The following POU2F1 variants were observed in gnomAD, a reference collection of about 807,000 sequenced individuals.
POU2F1 encodes POU class 2 homeobox 1.
In POU2F1, 16 loss-of-function variants were observed where a neutral mutation model predicts 84.9. That is an observed-to-expected ratio of 0.19 (90% CI 0.13 to 0.29). The LOEUF (loss-of-function observed/expected upper bound fraction) is 0.29, where lower values mean the gene tolerates loss of function less well. Among genes scored for constraint, POU2F1 ranks in the 10% least tolerant of loss-of-function variants. The pLI is 1.00. For missense variants in POU2F1, 738 were observed against 942.6 expected, an observed-to-expected ratio of 0.78 and a Z score of 2.84; for synonymous variants, 368 against 368.3, an observed-to-expected ratio of 1.00 and a Z score of 0.01.
At chr1:167,230,236 TCA>T (rs1648960420) in intron 1 of POU2F1, among the ~76,000 whole-genome samples, 2 of 152,142 alleles carry the variant, frequency 1.3e-5, no homozygotes, top group East Asian at 3.9e-4. Context: ...GAACCTTTAC[TCA>T]CACTTTTTCC....
intron 1 of POU2F1, among the ~76,000 whole-genome samples, chr1:167,270,327 G>A (rs572862972): frequency 1.1e-4 from 17 of 152,070 alleles, no homozygotes; most frequent in African/African-American, 4.1e-4. Flanking sequence ...GAAATGTTTT[G>A]ACTCTTTATG....
rs1341601799 is a variant in POU2F1, at chr1:167,423,093, A to G, written c.*7283A>G. 6.6e-6 allele frequency: 1 copy of G among 152,236 alleles called. No individual in the cohort carries two copies. The highest frequency in any genetic ancestry group is 1.5e-5 in the Non-Finnish European group (1 of 68,042). The allele number at this position is 152,236 out of a possible 1,614,324, so 9.4% of individuals were successfully genotyped here. A position where few individuals can be genotyped will look rare whatever the true frequency, so the allele number is the denominator to read the frequency against. ...CTTTTAAATAGAACCAACACAGCCTATATGAGTTCAGACAATATTTAGATG... is the reference window on the plus strand; with the variant it reads ...CTTTTAAATAGAACCAACACAGCCTGTATGAGTTCAGACAATATTTAGATG... On this transcript the variant is annotated 3_prime_UTR_variant, in exon 16 of 16. Coordinates refer to ENST00000367866, the MANE Select transcript of POU2F1 (RefSeq NM_002697.4).
intron 13 of POU2F1, among the ~76,000 whole-genome samples, chr1:167,411,480 C>A (rs1370969834): frequency 1.3e-5 from 2 of 151,952 alleles, no homozygotes; most frequent in East Asian, 3.8e-4. Flanking sequence ...GTAGAGAAGG[C>A]ATGTAGTCAT....
rs1362089184 is a variant in POU2F1, at chr1:167,423,758, A to C, written c.*7948A>C. ...AAGTTTTCCCTTGTTTTCTTTGTGT[A>C]CTTGTTCATCATTGTATAAGTTAGC... is the stretch of plus-strand genomic sequence containing the variant. On this transcript the variant is annotated 3_prime_UTR_variant, in exon 16 of 16. Transcript: ENST00000367866. 1 of 152,222 alleles carries C rather than the reference A, an allele frequency of 6.6e-6. No homozygotes were observed. The highest frequency in any genetic ancestry group is 1.5e-5 in the Non-Finnish European group (1 of 68,042). The allele number at this position is 152,222 out of a possible 1,614,324, so 9.4% of individuals were successfully genotyped here.
chr1:167,303,786 G>C (rs1433078249), intron 1 of POU2F1, among the ~76,000 whole-genome samples: 4 of 152,118 alleles, frequency 2.6e-5, no homozygotes, highest in Admixed American at 2.0e-4. Context: ...ATGGAAAATA[G>C]TTTAGGATTG....
intron 1 of POU2F1, among the ~76,000 whole-genome samples, chr1:167,289,350 GCTTAC>G (rs1653754980): frequency 6.6e-6 from 1 of 152,212 alleles, no homozygotes; most frequent in Non-Finnish European, 1.5e-5. Flanking sequence ...TGCTCAGCAA[GCTTAC>G]CTTCTAGTGA....
intron 1 of POU2F1, among the ~76,000 whole-genome samples, chr1:167,330,274 A>AC (rs1656993990): frequency 6.6e-6 from 1 of 152,162 alleles, no homozygotes; most frequent in Non-Finnish European, 1.5e-5. Context: ...TGCTCCTGTC[A>AC]CCTTCATAGT....
intron 9 of POU2F1, among the ~76,000 whole-genome samples, chr1:167,394,928 A>AGG (rs1020639312): frequency 6.6e-6 from 1 of 152,186 alleles, no homozygotes; most frequent in African/African-American, 2.4e-5. Flanking sequence ...ATTTAGGGGT[A>AGG]GGGGGGAATC....
intron 13 of POU2F1, among the ~76,000 whole-genome samples, chr1:167,409,237 C>G (rs183200115): frequency 1.7e-3 from 263 of 152,314 alleles, no homozygotes; most frequent in African/African-American, 6.1e-3. Flanking sequence ...CTAAATTCCT[C>G]TTTCTGCATA....
chr1:167,246,899 C>T (rs941709123), intron 1 of POU2F1, among the ~76,000 whole-genome samples: 1 of 151,998 alleles, frequency 6.6e-6, no homozygotes, highest in South Asian at 2.1e-4. Context: ...TGAAACTGAC[C>T]CAGTAATCCC....
chr1:167,311,667 C>A, intron 1 of POU2F1, among the ~76,000 whole-genome samples: 1 of 151,650 alleles, frequency 6.6e-6, no homozygotes, highest in South Asian at 2.1e-4. Flanking sequence ...AAAAAAATTT[C>A]AAATAGAAAA....
At chr1:167,308,458 T>C (rs1362903878) in intron 1 of POU2F1, among the ~76,000 whole-genome samples, 1 of 152,096 alleles carries the variant, frequency 6.6e-6, no homozygotes, top group Non-Finnish European at 1.5e-5. Context: ...TTGTAATTAA[T>C]AATTATTTTA....
rs751989266 is a variant in POU2F1 at position 167,416,794 on chromosome 1, A to G, written c.*984A>G. 4 of 152,318 alleles carry G rather than the reference A, an allele frequency of 2.6e-5. No homozygotes were observed. Among genetic ancestry groups the G allele is most frequent in the Non-Finnish European group, 5.9e-5 (4 of 68,124 alleles). The allele number at this position is 152,318 out of a possible 1,614,324, so 9.4% of individuals were successfully genotyped here. The stretch of plus-strand genomic sequence containing the variant: ...TGAGGCCCAGTTCCTGTGGTGCAAC[A>G]GTGCTGCTTTCTGCTACTTTCAATG... On this transcript the variant is annotated 3_prime_UTR_variant, in exon 16 of 16. Transcript: ENST00000367866.
chr1:167,393,460 T>C (rs1648571262), intron 9 of POU2F1, among the ~76,000 whole-genome samples: 1 of 152,146 alleles, frequency 6.6e-6, no homozygotes, highest in Non-Finnish European at 1.5e-5. Flanking sequence ...TTTCTTATAA[T>C]TACTGTCATG....
chr1:167,349,721 C>T (rs1187858658), intron 2 of POU2F1, among the ~76,000 whole-genome samples: 1 of 152,162 alleles, frequency 6.6e-6, no homozygotes, highest in Non-Finnish European at 1.5e-5. Flanking sequence ...TTTATTTTTA[C>T]AGCAGGATCT....
At position 167,399,379 on chromosome 1, in the gene POU2F1, A is replaced by G; in HGVS notation, c.1449+14A>G. The G allele has an allele frequency of 6.3e-7, 1 of 1,599,040 alleles. No individual in the cohort carries two copies. The highest frequency in any genetic ancestry group is 1.1e-5 in the South Asian group (1 of 88,706). ...CCAACTTCACTGGTAAGAATAAAAA[A>G]TAGGGAGTGCAAGCTCAAGGGCTAA... On this transcript the variant is annotated intron_variant, in intron 12 of 15. Coordinates refer to ENST00000367866, the MANE Select transcript of POU2F1 (RefSeq NM_002697.4).
At chr1:167,362,852 A>G (rs2101822383) in intron 2 of POU2F1, among the ~76,000 whole-genome samples, 1 of 152,178 alleles carries the variant, frequency 6.6e-6, no homozygotes, top group South Asian at 2.1e-4. Flanking sequence ...CTGATTGAGG[A>G]AGTATAGCTC....
At chr1:167,355,189 A>G (rs1320029149) in intron 2 of POU2F1, among the ~76,000 whole-genome samples, 2 of 144,192 alleles carry the variant, frequency 1.4e-5, no homozygotes, top group South Asian at 2.2e-4. Flanking sequence ...TTTTTTTAGT[A>G]TAGTGTAATG....
In POU2F1 at chr1:167,290,320, C is replaced by G. The variant is rs936562204; in HGVS notation, c.62-42150C>G. Among the ~76,000 whole-genome samples the G allele has an allele frequency of 4.7e-4, 72 of 152,080 alleles. 1 individual carries two copies. Among genetic ancestry groups the G allele is most frequent in the Non-Finnish European group, 2.2e-4 (15 of 68,012 alleles). On this transcript the variant is annotated intron_variant, in intron 1 of 15. Transcript: ENST00000367866. ...GCTGAGGTGAGAGGATTGATTGAAC[C>G]CAGGAGTTTGAGCCTGCAGTGGGCA... is the stretch of plus-strand genomic sequence containing the variant.
Sources: gnomAD v4.1 joint callset for allele counts (sites outside exome capture counted in the v4.1 genomes callset) on GRCh38, gnomAD v4.1.1 for gene constraint, MANE v1.5 for transcripts, NCBI Gene and HGNC (gene_info 2026-07-23, HGNC 2026-07-21) for gene names.